The following PABPC4L variants were observed in gnomAD, a reference collection of about 807,000 sequenced individuals.
PABPC4L encodes the protein poly(A) binding protein cytoplasmic 4 like.
For missense variants in PABPC4L, 452 were observed against 451.4 expected (o/e 1.00, Z -0.01); for synonymous variants, 169 against 164.1 (o/e 1.03, Z -0.23).
At chr4:134,077,634 G>GTC in the PABPC4L span, among the ~76,000 whole-genome samples, 1 of 152,076 alleles carries the variant, frequency 6.6e-6, no homozygotes, top group Non-Finnish European at 1.5e-5. Context: ...CACGTAGAAA[G>GTC]TCTCTCCTAA....
At chr4:134,101,296 T>C in the PABPC4L span, among the ~76,000 whole-genome samples, 1 of 151,606 alleles carries the variant, frequency 6.6e-6, no homozygotes, top group Admixed American at 6.6e-5. Context: ...AGTTTTCCAT[T>C]AAAGTAAACT....
chr4:134,142,235 A>G, the PABPC4L span, among the ~76,000 whole-genome samples: 12 of 151,840 alleles, frequency 7.9e-5, no homozygotes, highest in South Asian at 2.1e-3. Context: ...TTTTAAAATT[A>G]TAATCACAGT....
At chr4:134,000,322 CA>C in the PABPC4L span, among the ~76,000 whole-genome samples, 1 of 152,048 alleles carries the variant, frequency 6.6e-6, no homozygotes, top group Admixed American at 6.6e-5. Flanking sequence ...GAAAATATAA[CA>C]TTTGAACTAA....
At chr4:134,185,046 T>G in the PABPC4L span, among the ~76,000 whole-genome samples, 1 of 152,068 alleles carries the variant, frequency 6.6e-6, no homozygotes, top group Non-Finnish European at 1.5e-5. Flanking sequence ...GTTTTAATAG[T>G]TCTTTCTATA....
At chr4:134,119,662 G>T in the PABPC4L span, among the ~76,000 whole-genome samples, 1 of 151,466 alleles carries the variant, frequency 6.6e-6, no homozygotes, top group African/African-American at 2.4e-5. Context: ...CACCTGGTAG[G>T]TGTCACCCAA....
At chr4:134,011,943 C>A in the PABPC4L span, among the ~76,000 whole-genome samples, 193 of 152,174 alleles carry the variant, frequency 1.3e-3, no homozygotes, top group African/African-American at 4.4e-3. Context: ...TAAGTAGTCT[C>A]CCTTTTCTGT....
At chr4:134,031,680 C>G in the PABPC4L span, among the ~76,000 whole-genome samples, 1 of 151,876 alleles carries the variant, frequency 6.6e-6, no homozygotes, top group Non-Finnish European at 1.5e-5. Flanking sequence ...ACTCATAGCT[C>G]CATTGGAGGC....
the PABPC4L span, among the ~76,000 whole-genome samples, chr4:134,151,865 T>A: frequency 6.6e-6 from 1 of 151,812 alleles, no homozygotes; most frequent in Non-Finnish European, 1.5e-5. Context: ...TATTATAATA[T>A]AAGAATATTC....
At chr4:134,145,144 T>C in the PABPC4L span, among the ~76,000 whole-genome samples, 1 of 151,814 alleles carries the variant, frequency 6.6e-6, no homozygotes. Flanking sequence ...TTATTGAAAA[T>C]AATACTACAC....
the PABPC4L span, among the ~76,000 whole-genome samples, chr4:134,060,797 T>C: frequency 1.3e-5 from 2 of 152,010 alleles, no homozygotes; most frequent in African/African-American, 2.4e-5. Context: ...GAGGTCATTA[T>C]GTTAACGGAA....
At chr4:133,982,755 C>T in the PABPC4L span, among the ~76,000 whole-genome samples, 1 of 151,854 alleles carries the variant, frequency 6.6e-6, no homozygotes, top group Non-Finnish European at 1.5e-5. Context: ...TGGCTTTATG[C>T]AGTAAAATTA....
chr4:133,961,879 T>C, the PABPC4L span, among the ~76,000 whole-genome samples: 3 of 152,178 alleles, frequency 2.0e-5, no homozygotes, highest in East Asian at 5.8e-4. Context: ...GTGCCCAGGG[T>C]TTGTCCTAAT....
At chr4:134,037,080 A>G in the PABPC4L span, among the ~76,000 whole-genome samples, 1 of 151,554 alleles carries the variant, frequency 6.6e-6, no homozygotes, top group African/African-American at 2.4e-5. Context: ...AATGGGTAAT[A>G]TGATACCTCC....
the PABPC4L span, among the ~76,000 whole-genome samples, chr4:134,104,977 CT>C: frequency 6.6e-6 from 1 of 151,664 alleles, no homozygotes; most frequent in Admixed American, 6.6e-5. Context: ...TGATTTTTAG[CT>C]TTTTTCCAAG....
chr4:134,118,731 T>G, the PABPC4L span, among the ~76,000 whole-genome samples: 1 of 151,932 alleles, frequency 6.6e-6, no homozygotes, highest in South Asian at 2.1e-4. Flanking sequence ...GCTTAAATTC[T>G]ACCTTCCATT....
chr4:133,970,113 A>T, the PABPC4L span, among the ~76,000 whole-genome samples: 22,297 of 147,766 alleles, frequency 0.15, 2,097 homozygotes, highest in African/African-American at 0.25. Context: ...ATTTATATAA[A>T]ATATATATAT....
the PABPC4L span, among the ~76,000 whole-genome samples, chr4:133,963,520 C>T: frequency 2.6e-5 from 4 of 152,030 alleles, no homozygotes; most frequent in African/African-American, 9.7e-5. Context: ...AACATTCCAT[C>T]CAATAACCAG....
At chr4:134,065,545 T>A in the PABPC4L span, among the ~76,000 whole-genome samples, 1 of 152,038 alleles carries the variant, frequency 6.6e-6, no homozygotes, top group African/African-American at 2.4e-5. Context: ...TGTCTGCAAA[T>A]ACTTTCTTCC....
the PABPC4L span, among the ~76,000 whole-genome samples, chr4:133,990,531 G>C: frequency 3.9e-5 from 6 of 152,258 alleles, no homozygotes; most frequent in Admixed American, 3.9e-4. Flanking sequence ...AAAGAAGTAT[G>C]CTGACACAGG....
Sources: allele counts gnomAD v4.1 joint callset (sites outside exome capture counted in the v4.1 genomes callset), GRCh38; gene constraint gnomAD v4.1.1; transcripts MANE v1.5; gene names NCBI Gene and HGNC (gene_info 2026-07-23, HGNC 2026-07-21).